The following ELAVL4 variants were observed in gnomAD, a reference collection of about 807,000 sequenced individuals.
ELAVL4 encodes ELAV-like protein 4.
A neutral mutation model predicts 35.6 loss-of-function variants in ELAVL4; 1 was observed. The observed-to-expected ratio is 0.03, with a 90% confidence interval of 0.01 to 0.13. ELAVL4 has a LOEUF of 0.13. Ranked by LOEUF, ELAVL4 falls within the 10% of genes least tolerant of loss-of-function variation. The probability of loss-of-function intolerance (pLI) is 1.00; values close to 1 mark genes in which losing one functional copy is unlikely to be tolerated. For synonymous variants in ELAVL4, 156 were observed against 171.0 expected (o/e 0.91, Z 0.69); for missense variants, 267 against 464.9 (o/e 0.57, Z 3.91).
At chr1:50,119,458 G>T (rs1572254746) in intron 1 of ELAVL4, among the ~76,000 whole-genome samples, 1 of 152,182 alleles carries the variant, frequency 6.6e-6, no homozygotes, top group Admixed American at 6.5e-5. Flanking sequence ...GGACCTTCTT[G>T]CTAGGTAGGT....
intron 2 of ELAVL4, among the ~76,000 whole-genome samples, chr1:50,166,809 C>T (rs1678009858): frequency 6.6e-6 from 1 of 152,134 alleles, no homozygotes; most frequent in African/African-American, 2.4e-5. Context: ...GGTCAATCAC[C>T]CCAGCCAACA....
intron 2 of ELAVL4, 100 bp from the exon 3 acceptor site, chr1:50,176,989 G>T: frequency 1.1e-6 from 1 of 914,194 alleles, no homozygotes; most frequent in Admixed American, 2.2e-5. Flanking sequence ...GCAGTGGGAA[G>T]TGTTGCCTCT....
At chr1:50,179,000 G>T (rs1353339646) in intron 3 of ELAVL4, among the ~76,000 whole-genome samples, 3 of 151,472 alleles carry the variant, frequency 2.0e-5, no homozygotes, top group Non-Finnish European at 2.9e-5. Context: ...GGCCACTGTG[G>T]TTCCCCAAAG....
upstream of ELAVL4, among the ~76,000 whole-genome samples, chr1:50,101,855 G>A (rs1028024725): frequency 3.9e-5 from 6 of 152,192 alleles, no homozygotes; most frequent in African/African-American, 1.4e-4. Context: ...ATTTCTAGAA[G>A]TATGCTTAGA....
At chr1:50,060,693 C>A (rs1486663545) in intron 1 of ELAVL4, among the ~76,000 whole-genome samples, 1 of 152,184 alleles carries the variant, frequency 6.6e-6, no homozygotes, top group Non-Finnish European at 1.5e-5. Context: ...TGTCACCTGC[C>A]AAGTCTCAAA....
At chr1:50,145,219 A>G in intron 2 of ELAVL4, 22 bp downstream of exon 2, 1 of 1,613,036 alleles carries the variant, frequency 6.2e-7, no homozygotes, top group Non-Finnish European at 8.5e-7. Context: ...ATTTGAAGCT[A>G]TGTTGTTCCA....
intron 1 of ELAVL4, among the ~76,000 whole-genome samples, chr1:50,058,588 G>C (rs1166026271): frequency 2.7e-5 from 4 of 149,284 alleles, no homozygotes; most frequent in Admixed American, 2.0e-4. Flanking sequence ...ATGGACCTCC[G>C]CATTAATGGT....
At chr1:50,100,297 G>A (rs2148513060), upstream of ELAVL4, among the ~76,000 whole-genome samples, 1 of 152,266 alleles carries the variant, frequency 6.6e-6, no homozygotes, top group East Asian at 1.9e-4. Context: ...TGAATAAGAG[G>A]TCTGCCCGCC....
chr1:50,155,983 A>G (rs1675658205), intron 2 of ELAVL4, among the ~76,000 whole-genome samples: 1 of 152,096 alleles, frequency 6.6e-6, no homozygotes, highest in Admixed American at 6.5e-5. Context: ...CAGCACACAC[A>G]CACATCCCCC....
At chr1:50,105,128 G>A (rs1666201858), upstream of ELAVL4, among the ~76,000 whole-genome samples, 2 of 151,948 alleles carry the variant, frequency 1.3e-5, no homozygotes, top group African/African-American at 4.8e-5. Context: ...TTCTTATCAG[G>A]AAAGACCCAC....
chr1:50,072,673 G>A (rs1446213036), intron 1 of ELAVL4, among the ~76,000 whole-genome samples: 1 of 152,152 alleles, frequency 6.6e-6, no homozygotes, highest in East Asian at 1.9e-4. Context: ...TGCAACTGCT[G>A]GGAATGACAT....
intron 1 of ELAVL4, among the ~76,000 whole-genome samples, chr1:50,132,483 T>A (rs1222827957): frequency 6.6e-6 from 1 of 152,184 alleles, no homozygotes; most frequent in Non-Finnish European, 1.5e-5. Context: ...CAGGGAATGG[T>A]TTTCTTATAA....
At chr1:50,126,443 A>G (rs1274808607) in intron 1 of ELAVL4, among the ~76,000 whole-genome samples, 2 of 152,022 alleles carry the variant, frequency 1.3e-5, no homozygotes, top group Non-Finnish European at 2.9e-5. Flanking sequence ...GTGGGGGATG[A>G]AGGGGATGGA....
chr1:50,138,398 T>C (rs1278567247), intron 1 of ELAVL4, among the ~76,000 whole-genome samples: 1 of 152,024 alleles, frequency 6.6e-6, no homozygotes, highest in African/African-American at 2.4e-5. Flanking sequence ...TCTGAGGATA[T>C]AGGGCCAAAG....
chr1:50,051,222 T>A (rs902840456), intron 1 of ELAVL4, among the ~76,000 whole-genome samples: 1 of 152,146 alleles, frequency 6.6e-6, no homozygotes, highest in Non-Finnish European at 1.5e-5. Flanking sequence ...GTATGCTAAC[T>A]CATTTACTTA....
intron 1 of ELAVL4, among the ~76,000 whole-genome samples, chr1:50,119,032 AAGAAAAAGAAAG>A (rs1344209126): frequency 1.2e-4 from 15 of 130,334 alleles, no homozygotes; most frequent in African/African-American, 4.5e-4. Flanking sequence ...GAAAGAAAGA[AAGAAAAAGAAAG>A]AAAGAAAGAA....
At chr1:50,153,851 G>A (rs774931189) in intron 2 of ELAVL4, among the ~76,000 whole-genome samples, 8 of 152,192 alleles carry the variant, frequency 5.3e-5, no homozygotes, top group Non-Finnish European at 8.8e-5. Flanking sequence ...TATAAGAAGA[G>A]GAAGAGAGAC....
intron 1 of ELAVL4, among the ~76,000 whole-genome samples, chr1:50,091,875 A>C (rs1373177206): frequency 3.9e-5 from 6 of 152,172 alleles, no homozygotes; most frequent in Admixed American, 3.3e-4. Flanking sequence ...GTGCAGAGAG[A>C]TTAAGTGGCT....
chr1:50,109,729 T>C (rs1467106361), intron 1 of ELAVL4: 1 of 590,776 alleles, frequency 1.7e-6, no homozygotes, highest in African/African-American at 1.9e-5. Flanking sequence ...TATTTGGGCT[T>C]CAGTAAATGC....
Sources: allele counts gnomAD v4.1 joint callset (sites outside exome capture counted in the v4.1 genomes callset), GRCh38; gene constraint gnomAD v4.1.1; transcripts MANE v1.5; gene names NCBI Gene and HGNC (gene_info 2026-07-23, HGNC 2026-07-21).